SUGT1: variants seen among roughly 807,000 people sequenced by gnomAD.
SUGT1 encodes the protein SGT1 assembly cochaperone of MIS12 kinetochore complex, also known as protein SGT1 homolog.
A neutral mutation model predicts 56.1 loss-of-function variants in SUGT1; 15 were observed. The ratio of observed to expected loss-of-function variants is 0.27; its 90% CI spans 0.18 to 0.41. The LOEUF is 0.41. SUGT1 is among the 10% of genes least tolerant of loss of function. SUGT1 has a pLI of 1.00. For missense variants in SUGT1, 347 were observed against 382.2 expected (o/e 0.91, Z 0.77); for synonymous variants, 123 against 128.6 (o/e 0.96, Z 0.30).
At chr13:52,666,195 C>T (rs1266778502) in intron 9 of SUGT1, among the ~76,000 whole-genome samples, 2 of 152,178 alleles carry the variant, frequency 1.3e-5, no homozygotes, top group Non-Finnish European at 2.9e-5. Flanking sequence ...AAACAATTCT[C>T]CTGCCTCAGC....
chr13:52,657,852 A>C (rs574983466), intron 3 of SUGT1, among the ~76,000 whole-genome samples: 2 of 152,244 alleles, frequency 1.3e-5, no homozygotes, highest in Admixed American at 1.3e-4. Context: ...GTTATTGGGT[A>C]TGCTGATAAA....
intron 12 of SUGT1, chr13:52,687,122 T>C (rs940301776): frequency 1.3e-5 from 2 of 148,384 alleles, no homozygotes; most frequent in African/African-American, 4.9e-5. Context: ...TTAAAATATA[T>C]TAATGAATAT....
In SUGT1 at chr13:52,687,910, T is replaced by C. The variant is rs886510039; in HGVS notation, c.*75T>C. Reference sequence around the variant, plus strand: ...TGTGTATTGATATTGCATTCTTGAATTTTGAACACTGAATATCTTTTTGAA... The same window carrying C: ...TGTGTATTGATATTGCATTCTTGAACTTTGAACACTGAATATCTTTTTGAA... On this transcript the variant is annotated 3_prime_UTR_variant, in exon 13 of 13. Coordinates refer to ENST00000310528, the MANE Select transcript of SUGT1 (RefSeq NM_006704.5). 2 of 866,610 alleles carry C rather than the reference T, an allele frequency of 2.3e-6. No homozygotes were observed. Among genetic ancestry groups the C allele is most frequent in the Non-Finnish European group, 3.4e-6 (2 of 592,872 alleles). 53.7% of individuals were successfully genotyped at this position (866,610 alleles called of 1,614,324 possible).
At chr13:52,680,713 G>A (rs114991820) in intron 12 of SUGT1, among the ~76,000 whole-genome samples, 1,622 of 152,264 alleles carry the variant, frequency 0.011, 30 homozygotes, top group African/African-American at 0.037. Flanking sequence ...CTGGAAATAT[G>A]ACTCTTTTAA....
chr13:52,683,010 T>C (rs894682057), intron 12 of SUGT1, among the ~76,000 whole-genome samples: 1 of 152,206 alleles, frequency 6.6e-6, no homozygotes, highest in African/African-American at 2.4e-5. Flanking sequence ...TTTTTTAATG[T>C]GGACAATCAT....
chr13:52,671,260 A>G (rs1314388444), intron 10 of SUGT1, among the ~76,000 whole-genome samples: 1 of 152,006 alleles, frequency 6.6e-6, no homozygotes, highest in African/African-American at 2.4e-5. Context: ...CACAAATTGT[A>G]GATCTTGGAA....
At chr13:52,671,201 G>A (rs1023706716) in intron 10 of SUGT1, among the ~76,000 whole-genome samples, 2 of 151,664 alleles carry the variant, frequency 1.3e-5, no homozygotes, top group African/African-American at 4.8e-5. Context: ...TACAGTGGTG[G>A]TGATAATAGT....
In SUGT1 at chr13:52,662,607, T is replaced by C. The variant is rs754701143; in HGVS notation, c.329-42T>C. ...CAGTAAGTATTTGTTGATTTATAGG[T>C]TGTGCAGATGAGTGATGTTATAGTC... On this transcript the variant is annotated intron_variant, in intron 5 of 12. Transcript: ENST00000310528. The C allele has an allele frequency of 1.4e-5, 22 of 1,598,592 alleles. 2 individuals are homozygous for C. The South Asian group carries it at 2.4e-4, about 18-fold the overall frequency.
intron 2 of SUGT1, 58 bp downstream of exon 2, chr13:52,653,161 G>GTCCCCGCTGACCCGCCTTC: frequency 6.2e-7 from 1 of 1,604,774 alleles, no homozygotes; most frequent in East Asian, 2.2e-5. Context: ...GCCACTTCGG[G>GTCCCCGCTGACCCGCCTTC]TCCCCGCTGA....
chr13:52,666,864 A>T lies in SUGT1; in HGVS notation c.572A>T (p.Glu191Val), dbSNP rs1264385907. ...PSGEDYNLKL[E>V]LLHPIIPEQS... ...GGAGAGGATTACAATTTGAAACTGG[A>T]ACTTCTTCATCCTATAATACCAGAA... The change falls in exon 10 of 13, where the codon GAA (glutamate) becomes GTA (valine). Residue 191 changes from glutamate (E) to valine (V), a missense_variant. Physicochemically the swap from Glu to Val is moderately radical, Grantham distance 121. Coordinates refer to ENST00000310528, the MANE Select transcript of SUGT1 (RefSeq NM_006704.5). 1.2e-6 allele frequency: 2 copies of T among 1,613,290 alleles called. No individual in the cohort carries two copies. Among genetic ancestry groups the T allele is most frequent in the African/African-American group, 2.7e-5 (2 of 74,904 alleles).
chr13:52,669,649 T>C (rs2138140272), intron 10 of SUGT1, among the ~76,000 whole-genome samples: 2 of 152,296 alleles, frequency 1.3e-5, no homozygotes, highest in African/African-American at 4.8e-5. Context: ...TCTAAGGATG[T>C]GTCCTAAAGA....
At position 52,686,840 on chromosome 13, in the gene SUGT1, G is replaced by A. The variant is rs142363795; in HGVS notation, c.901-894G>A. ...AATCCCAGCACTTTGGGAGGCCAAGGTGGGCGGATCACCTGAGGGTCGGGA... is the reference window on the plus strand; with the variant it reads ...AATCCCAGCACTTTGGGAGGCCAAGATGGGCGGATCACCTGAGGGTCGGGA... On this transcript the variant is annotated intron_variant, in intron 12 of 12. Coordinates refer to ENST00000310528, the MANE Select transcript of SUGT1 (RefSeq NM_006704.5). Among the ~76,000 whole-genome samples, 1,098 of 152,188 alleles carry A rather than the reference G, an allele frequency of 7.2e-3. 13 individuals are homozygous for A. Among genetic ancestry groups the A allele is most frequent in the African/African-American group, 0.026 (1,065 of 41,530 alleles).
chr13:52,691,487 T>C lies in SUGT1; in HGVS notation c.*3652T>C, dbSNP rs1963776086. The C allele has an allele frequency of 6.6e-6, 1 of 152,210 alleles. No individual in the cohort carries two copies. The highest frequency in any genetic ancestry group is 1.5e-5 in the Non-Finnish European group (1 of 68,036). The allele number at this position is 152,210 out of a possible 1,614,324, so 9.4% of individuals were successfully genotyped here. Reference sequence around the variant, plus strand: ...ATATATCACTGACCCAGAGCAAAATTGCATATTAGTTTACCATCTAATCAG... The same window carrying C: ...ATATATCACTGACCCAGAGCAAAATCGCATATTAGTTTACCATCTAATCAG... On this transcript the variant is annotated 3_prime_UTR_variant, in exon 13 of 13. Transcript: ENST00000310528.
Position 52,693,351 on chromosome 13 carries a change from A to AT in SUGT1, c.*5517dup, listed in dbSNP as rs139188719. 6.6e-6 allele frequency: 1 copy of AT among 152,338 alleles called. No individual in the cohort carries two copies. The highest frequency in any genetic ancestry group is 2.4e-5 in the African/African-American group (1 of 41,586). 9.4% of individuals were successfully genotyped at this position (152,338 alleles called of 1,614,324 possible). A position where few individuals can be genotyped will look rare whatever the true frequency, so the allele number is the denominator to read the frequency against. ...GAAGGAGTTAGGAAAATGGTCCTTAATACCTATATAGGGTTTTTTAAAAAA... is the reference window on the plus strand; with the variant it reads ...GAAGGAGTTAGGAAAATGGTCCTTAATTACCTATATAGGGTTTTTTAAAAAA... On this transcript the variant is annotated 3_prime_UTR_variant, in exon 13 of 13. Transcript: ENST00000310528.
At position 52,698,265 on chromosome 13, in the gene SUGT1, C is replaced by T. The variant is rs757491246; in HGVS notation, c.*10430C>T. ...CACTGTCAGTATGAGGAGACAAAAA[C>T]GAAGTCAGGATTTTGGAGCTGGAAT... is the stretch of plus-strand genomic sequence containing the variant. On this transcript the variant is annotated 3_prime_UTR_variant, in exon 13 of 13. Coordinates refer to ENST00000310528, the MANE Select transcript of SUGT1 (RefSeq NM_006704.5). The T allele has an allele frequency of 3.3e-5, 5 of 152,048 alleles. No individual in the cohort carries two copies. Among genetic ancestry groups the T allele is most frequent in the African/African-American group, 4.8e-5 (2 of 41,400 alleles). The allele number at this position is 152,048 out of a possible 1,614,324, so 9.4% of individuals were successfully genotyped here. A position where few individuals can be genotyped will look rare whatever the true frequency, so the allele number is the denominator to read the frequency against.
chr13:52,682,136 C>T (rs1237264230), intron 12 of SUGT1, among the ~76,000 whole-genome samples: 2 of 151,960 alleles, frequency 1.3e-5, no homozygotes, highest in Non-Finnish European at 2.9e-5. Context: ...TTTGCCTAGT[C>T]CTAGATCTCA....
intron 2 of SUGT1, among the ~76,000 whole-genome samples, chr13:52,655,320 G>A (rs1962112003): frequency 6.6e-6 from 1 of 152,180 alleles, no homozygotes; most frequent in Non-Finnish European, 1.5e-5. Flanking sequence ...TCCAGCCCAG[G>A]CGACAGTGAG....
intron 8 of SUGT1, 94 bp downstream of exon 8, chr13:52,664,151 G>A (rs1244192700): frequency 1.5e-6 from 2 of 1,312,666 alleles, no homozygotes; most frequent in African/African-American, 3.0e-5. Context: ...CTTACCATGT[G>A]ATTTTTAAGT....
chr13:52,681,836 TAA>T (rs35537047), intron 12 of SUGT1, among the ~76,000 whole-genome samples: 3 of 134,004 alleles, frequency 2.2e-5, no homozygotes, highest in African/African-American at 5.6e-5. Context: ...CCTATCTCTT[TAA>T]AAAAAAAAAA....
Sources: gnomAD v4.1 joint callset for allele counts (sites outside exome capture counted in the v4.1 genomes callset) on GRCh38, gnomAD v4.1.1 for gene constraint, MANE v1.5 for transcripts, NCBI Gene and HGNC (gene_info 2026-07-23, HGNC 2026-07-21) for gene names.